Variants in OR51B5 observed in about 807,000 individuals in gnomAD.
OR51B5 encodes olfactory receptor 51B5.
For missense variants in OR51B5, 456 were observed against 374.6 expected (o/e 1.22, Z -1.79); for synonymous variants, 186 against 144.8 (o/e 1.28, Z -2.04).
At chr11:5,474,565 G>A (rs1304995810) in intron 1 of OR51B5, among the ~76,000 whole-genome samples, 1 of 152,136 alleles carries the variant, frequency 6.6e-6, no homozygotes, top group African/African-American at 2.4e-5. Flanking sequence ...GAATTTTGTA[G>A]TTAAGCCTTT....
intron 1 of OR51B5, among the ~76,000 whole-genome samples, chr11:5,493,096 A>G (rs1479963305): frequency 1.3e-5 from 2 of 152,232 alleles, no homozygotes; most frequent in Non-Finnish European, 2.9e-5. Flanking sequence ...CCTAAGAGCT[A>G]GCTTAGGAAA....
intron 1 of OR51B5, among the ~76,000 whole-genome samples, chr11:5,401,053 C>G (rs1225710208): frequency 6.6e-6 from 1 of 152,178 alleles, no homozygotes; most frequent in Non-Finnish European, 1.5e-5. Context: ...TCCTACCATG[C>G]TAGTCTAGGA....
chr11:5,402,715 T>A, intron 1 of OR51B5: 1 of 471,358 alleles, frequency 2.1e-6, no homozygotes, highest in Non-Finnish European at 4.4e-6. Context: ...ATATACATCA[T>A]CATTTTCCTT....
chr11:5,418,027 T>C (rs1445451539), intron 1 of OR51B5, among the ~76,000 whole-genome samples: 2 of 47,222 alleles, frequency 4.2e-5, no homozygotes, highest in Non-Finnish European at 1.4e-4. Context: ...CCAATAATGA[T>C]AGACTAAGAA....
At chr11:5,456,601 G>A (rs1018250028) in intron 1 of OR51B5, 3 of 152,004 alleles carry the variant, frequency 2.0e-5, no homozygotes, top group African/African-American at 7.2e-5. Flanking sequence ...TGAATTCTTT[G>A]GTTACTTTTT....
At chr11:5,409,463 A>G (rs1384911917) in intron 1 of OR51B5, among the ~76,000 whole-genome samples, 2 of 152,092 alleles carry the variant, frequency 1.3e-5, no homozygotes, top group Non-Finnish European at 2.9e-5. Flanking sequence ...AATTCACCAA[A>G]GAATCGGAAA....
At chr11:5,390,269 G>C (rs1352900534) in intron 1 of OR51B5, 1 of 1,613,906 alleles carries the variant, frequency 6.2e-7, no homozygotes, top group Non-Finnish European at 8.5e-7. Context: ...TATGGCCAAT[G>C]TCTACCTTTT....
intron 1 of OR51B5, among the ~76,000 whole-genome samples, chr11:5,416,598 T>G (rs1467424405): frequency 6.6e-6 from 1 of 150,954 alleles, no homozygotes; most frequent in Non-Finnish European, 1.5e-5. Context: ...AGAAAATCAA[T>G]GTACAAAAAT....
At chr11:5,363,563 AC>A (rs542879091) in intron 1 of OR51B5, among the ~76,000 whole-genome samples, 19 of 152,154 alleles carry the variant, frequency 1.2e-4, no homozygotes, top group Non-Finnish European at 2.1e-4. Flanking sequence ...AAGCACAGAT[AC>A]CAAGTTTTTG....
intron 1 of OR51B5, among the ~76,000 whole-genome samples, chr11:5,387,735 T>G (rs78640320): frequency 0.78 from 118,624 of 151,896 alleles, 46,718 homozygotes; most frequent in Middle Eastern, 0.84. Flanking sequence ...TCCTTGAATG[T>G]TTTTCCCTAA....
intron 1 of OR51B5, chr11:5,441,027 A>G: frequency 6.2e-7 from 1 of 1,613,942 alleles, no homozygotes; most frequent in Non-Finnish European, 8.5e-7. Context: ...TTTCACCACA[A>G]AAGGGAAAGG....
intron 1 of OR51B5, among the ~76,000 whole-genome samples, chr11:5,459,659 G>A (rs1452664342): frequency 3.4e-5 from 5 of 149,070 alleles, no homozygotes; most frequent in Non-Finnish European, 7.4e-5. Flanking sequence ...TTAGGGAAAT[G>A]CAAGTCAAAA....
chr11:5,488,180 C>A (rs528389579), intron 1 of OR51B5, among the ~76,000 whole-genome samples: 2 of 152,136 alleles, frequency 1.3e-5, no homozygotes, highest in East Asian at 1.9e-4. Context: ...TCTAACCCAG[C>A]AGAATTTTGT....
chr11:5,401,010 G>A (rs1431958801), intron 1 of OR51B5, among the ~76,000 whole-genome samples: 3 of 152,168 alleles, frequency 2.0e-5, no homozygotes, highest in Non-Finnish European at 4.4e-5. Context: ...GTGCATTTGG[G>A]TGAATGAGTT....
At chr11:5,450,143 C>A (rs905228435) in intron 1 of OR51B5, among the ~76,000 whole-genome samples, 2 of 151,960 alleles carry the variant, frequency 1.3e-5, no homozygotes, top group Admixed American at 1.3e-4. Context: ...AATCCCAGCA[C>A]TTTGGGAGGC....
At chr11:5,395,827 C>T (rs187459544) in intron 1 of OR51B5, among the ~76,000 whole-genome samples, 5 of 152,170 alleles carry the variant, frequency 3.3e-5, no homozygotes, top group African/African-American at 9.7e-5. Context: ...AAATACCTTA[C>T]GCTTCATTGT....
chr11:5,343,374 G>T (rs1412842560), exon 1 of OR51B5: 1 of 1,613,566 alleles, frequency 6.2e-7, no homozygotes, highest in South Asian at 1.1e-5. Context: ...TGAAGATTGT[G>T]ATCTTCCTTA....
At chr11:5,342,802 G>C in exon 1 of OR51B5, 1 of 1,613,552 alleles carries the variant, frequency 6.2e-7, no homozygotes, top group Non-Finnish European at 8.5e-7. Flanking sequence ...AGCAGATATG[G>C]GAGACACAGG....
intron 1 of OR51B5, among the ~76,000 whole-genome samples, chr11:5,436,989 T>C (rs908742576): frequency 6.6e-6 from 1 of 152,100 alleles, no homozygotes; most frequent in African/African-American, 2.4e-5. Flanking sequence ...TGTTCCCAGA[T>C]GCCAGAGCCC....
Sources: allele counts gnomAD v4.1 joint callset (sites outside exome capture counted in the v4.1 genomes callset), GRCh38; gene constraint gnomAD v4.1.1; transcripts MANE v1.5; gene names NCBI Gene and HGNC (gene_info 2026-07-23, HGNC 2026-07-21).